The following CIAPIN1 variants were observed in gnomAD, a reference collection of about 807,000 sequenced individuals.
CIAPIN1 encodes anamorsin.
Under a neutral mutation model 34.3 loss-of-function variants are expected in CIAPIN1, and 18 were observed. The observed-to-expected ratio is 0.52, with a 90% CI of 0.36 to 0.78. The LOEUF (loss-of-function observed/expected upper bound fraction) is 0.78. Ranked by LOEUF, CIAPIN1 falls within the 30% of genes least tolerant of loss-of-function variation. CIAPIN1 has a pLI of 0.00. For missense variants in CIAPIN1, 310 were observed against 372.5 expected, an observed-to-expected ratio of 0.83 and a Z score of 1.38; for synonymous variants, 131 against 140.4, an observed-to-expected ratio of 0.93 and a Z score of 0.47.
At chr16:57,445,187 T>C (rs2030005270) in intron 1 of CIAPIN1, among the ~76,000 whole-genome samples, 1 of 152,162 alleles carries the variant, frequency 6.6e-6, no homozygotes, top group African/African-American at 2.4e-5. Context: ...ATACTGACAG[T>C]TATCAGAAAG....
intron 4 of CIAPIN1, among the ~76,000 whole-genome samples, chr16:57,435,080 G>T (rs116925225): frequency 0.027 from 4,105 of 152,238 alleles, 82 homozygotes; most frequent in South Asian, 0.086. Flanking sequence ...TTGGAGGTGG[G>T]GCCTGGTGAG....
Position 57,431,131 on chromosome 16 carries a change from CCA to C in CIAPIN1, c.746+18_746+19del. The C allele has an allele frequency of 6.7e-7, 1 of 1,497,156 alleles. No individual in the cohort carries two copies. Among genetic ancestry groups the C allele is most frequent in the Non-Finnish European group, 9.3e-7 (1 of 1,075,568 alleles). The allele number at this position is 1,497,156 out of a possible 1,614,324, so 92.7% of individuals were successfully genotyped here. A position where few individuals can be genotyped will look rare whatever the true frequency, so the allele number is the denominator to read the frequency against. ...GCCACTGGAGGCAGCATGGCAGGCT[CCA>C]GTCACCCCAGCACTCACCAGTTCTT... On this transcript the variant is annotated intron_variant, in intron 7 of 8. Transcript: ENST00000394391.
At chr16:57,435,156 T>C (rs780919397) in intron 4 of CIAPIN1, among the ~76,000 whole-genome samples, 32 of 152,162 alleles carry the variant, frequency 2.1e-4, no homozygotes, top group Non-Finnish European at 4.0e-4. Flanking sequence ...TCTCATGAGA[T>C]GTGGTGGTTG....
At chr16:57,440,458 G>A (rs1324002825) in intron 2 of CIAPIN1, among the ~76,000 whole-genome samples, 4 of 152,080 alleles carry the variant, frequency 2.6e-5, no homozygotes, top group Non-Finnish European at 4.4e-5. Flanking sequence ...CTGGTTTTGC[G>A]GCTTGAGGGG....
At chr16:57,440,481 C>T (rs1371262124) in intron 2 of CIAPIN1, among the ~76,000 whole-genome samples, 1 of 152,098 alleles carries the variant, frequency 6.6e-6, no homozygotes, top group Non-Finnish European at 1.5e-5. Context: ...TCACGGAACC[C>T]GCCGACATGT....
intron 8 of CIAPIN1, 50 bp from the exon 9 acceptor site, chr16:57,429,330 C>T: frequency 7.8e-7 from 1 of 1,279,476 alleles, no homozygotes; most frequent in Non-Finnish European, 1.1e-6. Flanking sequence ...CCAGGCATAC[C>T]AGCCAGAAGA....
intron 5 of CIAPIN1, 74 bp downstream of exon 5, chr16:57,433,970 T>G (rs1403625617): frequency 7.5e-7 from 1 of 1,331,286 alleles, no homozygotes; most frequent in African/African-American, 1.4e-5. Context: ...ACCATCTCAT[T>G]TATTGCTGGC....
intron 5 of CIAPIN1, 41 bp downstream of exon 5, chr16:57,434,002 TA>T: frequency 6.4e-7 from 1 of 1,567,200 alleles, no homozygotes; most frequent in Non-Finnish European, 8.8e-7. Context: ...CATGTCCCTC[TA>T]AGCCCATTCA....
intron 1 of CIAPIN1, among the ~76,000 whole-genome samples, chr16:57,442,685 C>A (rs1326435078): frequency 6.6e-6 from 1 of 152,086 alleles, no homozygotes; most frequent in Non-Finnish European, 1.5e-5. Context: ...CTCAAAAAAA[C>A]CAAAGTTCAC....
chr16:57,434,238 T>G lies in CIAPIN1; in HGVS notation c.388-26A>C, dbSNP rs372235600. On this transcript the variant is annotated intron_variant, in intron 4 of 8. Coordinates refer to ENST00000394391, the MANE Select transcript of CIAPIN1 (RefSeq NM_020313.4). ...CTAGAATTCAAGACATCAAAAGGATTAGTTCACCCTCCTCTGTAAAATGGT... is the reference window on the plus strand; with the variant it reads ...CTAGAATTCAAGACATCAAAAGGATGAGTTCACCCTCCTCTGTAAAATGGT... 1.0e-4 allele frequency: 167 copies of G among 1,611,464 alleles called. No individual in the cohort carries two copies. In the Admixed American group the frequency reaches 1.2e-3, roughly 12 times the overall value.
intron 4 of CIAPIN1, among the ~76,000 whole-genome samples, chr16:57,435,666 C>T (rs771597912): frequency 3.9e-5 from 6 of 152,062 alleles, no homozygotes; most frequent in African/African-American, 1.2e-4. Context: ...TGGTGGCGCA[C>T]GCCTGTAATC....
In CIAPIN1 at chr16:57,434,168, T is replaced by G. The variant is rs746510313; in HGVS notation, c.432A>C (p.Arg144=). ...TGTCACTTTCATGACCAAGGTGTTCTCGAACAGACTGTACTTCCTCAGGGG... is the reference window on the plus strand; with the variant it reads ...TGTCACTTTCATGACCAAGGTGTTCGCGAACAGACTGTACTTCCTCAGGGG... ...PLTPEEVQSV[R]EHLGHESDNL... Residue 144 remains arginine, a synonymous_variant, in exon 5 of 9, where the codon CGA becomes CGC. Coordinates refer to ENST00000394391, the MANE Select transcript of CIAPIN1 (RefSeq NM_020313.4). 1.2e-6 allele frequency: 2 copies of G among 1,614,150 alleles called. No individual in the cohort carries two copies. Among genetic ancestry groups the G allele is most frequent in the Non-Finnish European group, 1.7e-6 (2 of 1,180,014 alleles).
At chr16:57,430,478 G>A in intron 7 of CIAPIN1, 139 bp from the exon 8 acceptor site, 1 of 702,716 alleles carries the variant, frequency 1.4e-6, no homozygotes, top group East Asian at 2.7e-5. Context: ...CAGGCAGACA[G>A]CAGCAATATG....
intron 7 of CIAPIN1, 137 bp from the exon 8 acceptor site, chr16:57,430,476 C>T (rs1261808407): frequency 1.4e-6 from 1 of 719,498 alleles, no homozygotes; most frequent in Admixed American, 2.5e-5. Flanking sequence ...GCCAGGCAGA[C>T]AGCAGCAATA....
At chr16:57,440,164 C>T (rs540428272) in intron 2 of CIAPIN1, among the ~76,000 whole-genome samples, 3 of 152,130 alleles carry the variant, frequency 2.0e-5, no homozygotes, top group Non-Finnish European at 4.4e-5. Context: ...TGAAATAAGC[C>T]CTGGTCTCCC....
In CIAPIN1 at chr16:57,443,158, G is replaced by C. The variant is rs1172834337; in HGVS notation, c.-55-2175C>G. On this transcript the variant is annotated intron_variant, in intron 1 of 8. Transcript: ENST00000394391. ...GTTTTTTTTTTTTTTTTGCGGGGGT[G>C]GTGGGGAGGACAGAGTTTCACTCTT... Among the ~76,000 whole-genome samples, 9 of 146,770 alleles carry C rather than the reference G, an allele frequency of 6.1e-5. No homozygotes were observed. In the East Asian group the frequency reaches 1.4e-3, roughly 23 times the overall value.
chr16:57,436,118 T>G (rs1369303906), intron 4 of CIAPIN1, among the ~76,000 whole-genome samples: 1 of 152,216 alleles, frequency 6.6e-6, no homozygotes, highest in Non-Finnish European at 1.5e-5. Flanking sequence ...CTCATGCCCC[T>G]CAGCTGTCAC....
At chr16:57,430,882 T>TA (rs1443906820) in intron 7 of CIAPIN1, among the ~76,000 whole-genome samples, 1 of 152,106 alleles carries the variant, frequency 6.6e-6, no homozygotes, top group African/African-American at 2.4e-5. Flanking sequence ...AGAGTGAAAT[T>TA]AGATACATGG....
At position 57,431,189 on chromosome 16, in the gene CIAPIN1, A is replaced by G; in HGVS notation, c.708T>C (p.Ser236=). 2 of 1,613,810 alleles carry G rather than the reference A, an allele frequency of 1.2e-6. No homozygotes were observed. The highest frequency in any genetic ancestry group is 1.7e-4 in the Middle Eastern group (1 of 6,020). ...CCTTCCTCTTTTTCCCTTCCCCACA[A>G]GAAGCAGCCCGCAGGGAAGCTGGAT... ...KPDPASLRAA[S]CGEGKKRKAC... is the part of the protein sequence containing the mutation. Residue 236 remains serine, a synonymous_variant, in exon 7 of 9, where the codon TCT becomes TCC. Transcript: ENST00000394391.
Sources: allele counts gnomAD v4.1 joint callset (sites outside exome capture counted in the v4.1 genomes callset), GRCh38; gene constraint gnomAD v4.1.1; transcripts MANE v1.5; gene names NCBI Gene and HGNC (gene_info 2026-07-23, HGNC 2026-07-21).